Variants in KIAA1958 observed in about 807,000 individuals in gnomAD.
KIAA1958 encodes uncharacterized protein KIAA1958.
KIAA1958 carries 14 observed loss-of-function variants against 47.2 expected under a neutral mutation model. That is an observed-to-expected ratio of 0.30 (90% confidence interval 0.20 to 0.46). The LOEUF is 0.46. Ranked by LOEUF, KIAA1958 falls within the 20% of genes least tolerant of loss-of-function variation. The probability of loss-of-function intolerance (pLI) is 1.00; values close to 1 mark genes in which losing one functional copy is unlikely to be tolerated. For missense variants in KIAA1958, 803 were observed against 909.2 expected, an observed-to-expected ratio of 0.88 and a Z score of 1.50; for synonymous variants, 354 against 353.3, an observed-to-expected ratio of 1.00 and a Z score of -0.02.
intron 1 of KIAA1958, among the ~76,000 whole-genome samples, chr9:112,566,595 G>A (rs543378680): frequency 3.9e-5 from 6 of 152,252 alleles, no homozygotes; most frequent in African/African-American, 1.4e-4. Flanking sequence ...GCAGCAGAGC[G>A]AGACCCTGCC....
chr9:112,538,647 A>C (rs1834893530), intron 1 of KIAA1958, among the ~76,000 whole-genome samples: 1 of 152,218 alleles, frequency 6.6e-6, no homozygotes, highest in South Asian at 2.1e-4. Flanking sequence ...ATATCAGGCA[A>C]AAACATAAAA....
Position 112,548,328 on chromosome 9 carries a change from C to T in KIAA1958, c.-24-25729C>T, listed in dbSNP as rs1038854194. 3.3e-5 allele frequency among the ~76,000 whole-genome samples: 5 copies of T among 152,144 alleles called. No individual in the cohort carries two copies. The East Asian group carries it at 9.6e-4, about 29-fold the overall frequency. On this transcript the variant is annotated intron_variant, in intron 1 of 3. Coordinates refer to ENST00000337530, the MANE Select transcript of KIAA1958 (RefSeq NM_133465.4). ...TGAATCCACCTATGACCTGGAAGCA[C>T]CCTCTTCGAGGTGTTCTGCCTTTCT...
chr9:112,529,057 T>C (rs1198642208), intron 1 of KIAA1958, among the ~76,000 whole-genome samples: 1 of 152,246 alleles, frequency 6.6e-6, no homozygotes, highest in African/African-American at 2.4e-5. Flanking sequence ...CATTTATTCT[T>C]TCCAAAAATA....
At chr9:112,567,610 G>A (rs760758039) in intron 1 of KIAA1958, among the ~76,000 whole-genome samples, 1 of 152,034 alleles carries the variant, frequency 6.6e-6, no homozygotes, top group Admixed American at 6.6e-5. Flanking sequence ...CCATACTCCC[G>A]AATAAAAATC....
intron 3 of KIAA1958, 55 bp from the exon 4 acceptor site, chr9:112,659,208 G>A (rs2131254270): frequency 7.7e-6 from 11 of 1,434,250 alleles, no homozygotes; most frequent in Middle Eastern, 1.8e-4. Flanking sequence ...GAAGGAAGGA[G>A]GGGTCTGGCT....
chr9:112,586,588 A>G (rs1835826158), intron 2 of KIAA1958, among the ~76,000 whole-genome samples: 2 of 152,188 alleles, frequency 1.3e-5, no homozygotes. Flanking sequence ...TTATTTCTTC[A>G]AGGGCATTTT....
At chr9:112,607,262 C>T (rs554390300) in intron 2 of KIAA1958, among the ~76,000 whole-genome samples, 11 of 151,524 alleles carry the variant, frequency 7.3e-5, no homozygotes, top group Middle Eastern at 3.4e-3. Context: ...GAGGCTGAGG[C>T]GAGAGAATCG....
intron 1 of KIAA1958, among the ~76,000 whole-genome samples, chr9:112,506,264 G>A (rs1261034207): frequency 1.3e-5 from 2 of 152,116 alleles, no homozygotes; most frequent in Non-Finnish European, 2.9e-5. Flanking sequence ...AGACCATTCT[G>A]GCTAACACGG....
At chr9:112,643,010 A>G (rs1023329963) in intron 2 of KIAA1958, among the ~76,000 whole-genome samples, 11 of 152,348 alleles carry the variant, frequency 7.2e-5, no homozygotes, top group Admixed American at 2.0e-4. Context: ...GAAATTATTT[A>G]GCGGTTTAAT....
chr9:112,525,976 TTCTTCTTCTTCTTCTTCTTCTTC>T lies in KIAA1958; in HGVS notation c.-25+38860_-25+38882del, dbSNP rs1270357530. On this transcript the variant is annotated intron_variant, in intron 1 of 3. Coordinates refer to ENST00000337530, the MANE Select transcript of KIAA1958 (RefSeq NM_133465.4). ...CTTCTTCTTCTTCTTCTTCTTCTTC[TTCTTCTTCTTCTTCTTCTTCTTC>T]TTTTTTTTTTTAAAGAGATGGGGTC... 2.5e-3 allele frequency among the ~76,000 whole-genome samples: 6 copies of T among 2,362 alleles called. No individual in the cohort carries two copies. The African/African-American group carries it at 0.032, about 13-fold the overall frequency. 1.5% of individuals were successfully genotyped at this position (2,362 alleles called of 152,430 possible).
intron 2 of KIAA1958, among the ~76,000 whole-genome samples, chr9:112,635,908 T>G (rs1836797724): frequency 6.6e-6 from 1 of 151,736 alleles, no homozygotes; most frequent in Non-Finnish European, 1.5e-5. Flanking sequence ...TGGATAGATT[T>G]CTTGTTCTTC....
intron 2 of KIAA1958, among the ~76,000 whole-genome samples, chr9:112,602,394 C>T (rs569925177): frequency 6.6e-6 from 1 of 152,248 alleles, no homozygotes; most frequent in Admixed American, 6.5e-5. Flanking sequence ...ATACCAAGAT[C>T]GTTTCCCTGA....
intron 2 of KIAA1958, among the ~76,000 whole-genome samples, chr9:112,605,701 C>G (rs1172591248): frequency 2.0e-5 from 3 of 152,194 alleles, no homozygotes; most frequent in Non-Finnish European, 2.9e-5. Flanking sequence ...ACTCCAGGCA[C>G]AGTGATACTC....
At chr9:112,494,665 A>G (rs1225215529) in intron 1 of KIAA1958, among the ~76,000 whole-genome samples, 6 of 151,714 alleles carry the variant, frequency 4.0e-5, no homozygotes, top group Non-Finnish European at 8.8e-5. Context: ...ACAGGGTTTC[A>G]CCATGTCACC....
At chr9:112,602,749 C>T (rs1395399761) in intron 2 of KIAA1958, among the ~76,000 whole-genome samples, 1 of 152,142 alleles carries the variant, frequency 6.6e-6, no homozygotes, top group African/African-American at 2.4e-5. Context: ...ACCATTTTTA[C>T]AGATGTCCAC....
At position 112,612,798 on chromosome 9, in the gene KIAA1958, C is replaced by T. The variant is rs1836348513; in HGVS notation, c.1172-32852C>T. Among the ~76,000 whole-genome samples, 3 of 152,104 alleles carry T rather than the reference C, an allele frequency of 2.0e-5. No individual in the cohort carries two copies. The South Asian group carries it at 6.2e-4, about 32-fold the overall frequency. On this transcript the variant is annotated intron_variant, in intron 2 of 3. Coordinates refer to ENST00000337530, the MANE Select transcript of KIAA1958 (RefSeq NM_133465.4). ...GATATACTTGCCCATGCATGGGAAA[C>T]GTTCTGTCTACAGGGATACCCATTG...
rs565516765 is a variant in KIAA1958, at chr9:112,581,463, G to A, written c.1171+6212G>A. On this transcript the variant is annotated intron_variant, in intron 2 of 3. Transcript: ENST00000337530. ...ACCAGTATCACCACCAGCATTACCT[G>A]GGAGCACATTAGAAATGCAGAGTTT... 1.6e-4 allele frequency among the ~76,000 whole-genome samples: 25 copies of A among 152,204 alleles called. No individual in the cohort carries two copies. In the South Asian group the frequency reaches 3.1e-3, roughly 19 times the overall value.
chr9:112,510,241 A>G (rs1015113933), intron 1 of KIAA1958, among the ~76,000 whole-genome samples: 1 of 152,150 alleles, frequency 6.6e-6, no homozygotes, highest in Non-Finnish European at 1.5e-5. Flanking sequence ...CCTGGATGGT[A>G]ATTCCTACTT....
chr9:112,492,915 A>G (rs1395864721), intron 1 of KIAA1958, among the ~76,000 whole-genome samples: 1 of 89,200 alleles, frequency 1.1e-5, no homozygotes, highest in African/African-American at 5.2e-5. Context: ...AGCCCAGCTC[A>G]CTTTTTTTTT....
Sources: gnomAD v4.1 joint callset for allele counts (sites outside exome capture counted in the v4.1 genomes callset) on GRCh38, gnomAD v4.1.1 for gene constraint, MANE v1.5 for transcripts, NCBI Gene and HGNC (gene_info 2026-07-23, HGNC 2026-07-21) for gene names.